TRPM3: variants seen among roughly 807,000 people sequenced by gnomAD.
TRPM3 encodes the protein long transient receptor potential channel 3.
TRPM3 carries 77 observed loss-of-function variants against 181.2 expected under a neutral mutation model. The observed-to-expected ratio is 0.42, with a 90% confidence interval of 0.35 to 0.51. TRPM3 has a LOEUF of 0.51. Ranked by LOEUF, TRPM3 falls within the 20% of genes least tolerant of loss-of-function variation. The pLI is 0.01. For missense variants in TRPM3, 1,759 were observed against 2,196.7 expected (o/e 0.80, Z 3.98); for synonymous variants, 745 against 796.4 (o/e 0.94, Z 1.09).
At chr9:70,963,324 A>C (rs919358316) in intron 1 of TRPM3, among the ~76,000 whole-genome samples, 3 of 152,226 alleles carry the variant, frequency 2.0e-5, no homozygotes, top group African/African-American at 7.2e-5. Context: ...CCCATTTTAC[A>C]GCTTCAGAAA....
At chr9:70,837,596 T>C (rs1206090360) in intron 5 of TRPM3, among the ~76,000 whole-genome samples, 2 of 152,214 alleles carry the variant, frequency 1.3e-5, no homozygotes, top group African/African-American at 4.8e-5. Flanking sequence ...CTTCAGAAAC[T>C]CTTCATTTAC....
chr9:71,253,800 CTAAG>C (rs1163648576), intron 1 of TRPM3, among the ~76,000 whole-genome samples: 9 of 152,048 alleles, frequency 5.9e-5, no homozygotes, highest in African/African-American at 2.2e-4. Flanking sequence ...TGGAATCTGC[CTAAG>C]TGTCTATCAA....
At chr9:71,246,628 G>A (rs143895664) in intron 1 of TRPM3, among the ~76,000 whole-genome samples, 1 of 152,254 alleles carries the variant, frequency 6.6e-6, no homozygotes, top group East Asian at 1.9e-4. Flanking sequence ...CAAATAACTC[G>A]TTTCACAAAA....
chr9:70,925,232 A>G (rs562950882), intron 1 of TRPM3, among the ~76,000 whole-genome samples: 26 of 152,324 alleles, frequency 1.7e-4, no homozygotes, highest in African/African-American at 6.0e-4. Flanking sequence ...AACGAAGTCT[A>G]CTTTGCACAT....
At chr9:70,775,651 G>A (rs1009733170) in intron 7 of TRPM3, 11 of 152,146 alleles carry the variant, frequency 7.2e-5, no homozygotes, top group African/African-American at 2.4e-5. Context: ...GGAGGCCCTA[G>A]GAAAATAGTT....
At chr9:71,107,767 T>A (rs551298506) in intron 1 of TRPM3, among the ~76,000 whole-genome samples, 1 of 152,334 alleles carries the variant, frequency 6.6e-6, no homozygotes, top group African/African-American at 2.4e-5. Flanking sequence ...AGCAGGAACA[T>A]TCTGTTGAAA....
intron 24 of TRPM3, among the ~76,000 whole-genome samples, chr9:70,552,454 T>C (rs2046697823): frequency 6.6e-6 from 1 of 152,172 alleles, no homozygotes; most frequent in Non-Finnish European, 1.5e-5. Flanking sequence ...GAAAAAATTA[T>C]AGGTCCAGAA....
At chr9:71,234,074 C>T (rs922042688) in intron 1 of TRPM3, among the ~76,000 whole-genome samples, 7 of 152,136 alleles carry the variant, frequency 4.6e-5, no homozygotes, top group Non-Finnish European at 8.8e-5. Context: ...GGCTTAAGAT[C>T]GCTAATGAGG....
At position 71,064,506 on chromosome 9, in the gene TRPM3, T is replaced by C. The variant is rs1325316885; in HGVS notation, c.177+56672A>G. Among the ~76,000 whole-genome samples the C allele has an allele frequency of 3.9e-5, 6 of 152,054 alleles. No homozygotes were observed. The South Asian group carries it at 8.3e-4, about 21-fold the overall frequency. On this transcript the variant is annotated intron_variant, in intron 1 of 25. Transcript: ENST00000677713. ...TATCAAGAGATGCATGATAAAGACA[T>C]TTCCCCCTGTAGTTTTCAAATTTTA...
intron 1 of TRPM3, among the ~76,000 whole-genome samples, chr9:71,291,078 C>T (rs1451734469): frequency 3.9e-5 from 6 of 152,096 alleles, no homozygotes; most frequent in Non-Finnish European, 1.5e-5. Flanking sequence ...AGAGAAAAGA[C>T]TATTAAATAA....
At chr9:70,564,824 T>A (rs975469560) in intron 22 of TRPM3, among the ~76,000 whole-genome samples, 9 of 152,240 alleles carry the variant, frequency 5.9e-5, no homozygotes, top group Admixed American at 5.2e-4. Flanking sequence ...TGGCTCCTAA[T>A]ATTCAGGAAT....
At chr9:70,869,352 C>T (rs1260035717) in intron 1 of TRPM3, among the ~76,000 whole-genome samples, 1 of 151,272 alleles carries the variant, frequency 6.6e-6, no homozygotes, top group East Asian at 2.0e-4. Flanking sequence ...GCCCTCCCTC[C>T]CTTTTTCTTT....
At chr9:71,052,332 T>G (rs2060149406) in intron 1 of TRPM3, among the ~76,000 whole-genome samples, 1 of 152,166 alleles carries the variant, frequency 6.6e-6, no homozygotes. Context: ...AGCTGTATCT[T>G]GAAAACCCAC....
intron 22 of TRPM3, among the ~76,000 whole-genome samples, chr9:70,590,251 A>T (rs1205751266): frequency 1.3e-5 from 2 of 152,132 alleles, no homozygotes; most frequent in African/African-American, 4.8e-5. Context: ...TCCCAGTAAA[A>T]TCCTGGAACA....
Position 70,631,434 on chromosome 9 carries a change from TA to T in TRPM3, c.1632+3776del, listed in dbSNP as rs2065851759. Among the ~76,000 whole-genome samples, 2 of 151,286 alleles carry T rather than the reference TA, an allele frequency of 1.3e-5. 1 individual carries two copies. The highest frequency in any genetic ancestry group is 1.3e-4 in the Admixed American group (2 of 15,122). On this transcript the variant is annotated intron_variant, in intron 12 of 25. Coordinates refer to ENST00000677713, the MANE Select transcript of TRPM3 (RefSeq NM_001366145.2). ...CATGTAAATGAACTTTAAATTATCA[TA>T]ATTTCACCACTACTTCCACATAACA...
intron 20 of TRPM3, among the ~76,000 whole-genome samples, chr9:70,602,878 A>G (rs79692165): frequency 0.09 from 13,760 of 152,220 alleles, 715 homozygotes; most frequent in East Asian, 0.23. Context: ...AGCAGGTACG[A>G]GCAGAATGTT....
At chr9:70,641,640 C>T (rs905649091) in intron 9 of TRPM3, among the ~76,000 whole-genome samples, 2 of 152,224 alleles carry the variant, frequency 1.3e-5, no homozygotes, top group Non-Finnish European at 2.9e-5. Context: ...ATTCCTCAGT[C>T]AGGCTAGCCA....
chr9:70,693,474 C>A (rs1564023301), intron 8 of TRPM3, among the ~76,000 whole-genome samples: 1 of 151,302 alleles, frequency 6.6e-6, no homozygotes, highest in Non-Finnish European at 1.5e-5. Context: ...ATTTTTAGCG[C>A]TTTTTTTTTG....
rs920984174 is a variant in TRPM3 at position 70,536,643 on chromosome 9, G to A, written c.4470C>T (p.His1490=). Residue 1490 remains histidine, a synonymous_variant, in exon 26 of 26, where the codon CAC becomes CAT. Coordinates refer to ENST00000677713, the MANE Select transcript of TRPM3 (RefSeq NM_001366145.2). ...DTRSFSSDYT[H]LPECQNPWDS... ...CCCAGGGGTTTTGGCATTCTGGGAG[G>A]TGGGTGTAGTCTGAAGAAAAAGATC... 1.1e-5 allele frequency: 17 copies of A among 1,614,132 alleles called. No individual in the cohort carries two copies. Among genetic ancestry groups the A allele is most frequent in the Non-Finnish European group, 1.4e-5 (16 of 1,180,028 alleles).
Sources: gnomAD v4.1 joint callset for allele counts (sites outside exome capture counted in the v4.1 genomes callset) on GRCh38, gnomAD v4.1.1 for gene constraint, MANE v1.5 for transcripts, NCBI Gene and HGNC (gene_info 2026-07-23, HGNC 2026-07-21) for gene names.